LAG3: variants seen among roughly 807,000 people sequenced by gnomAD.
The protein encoded by LAG3 is lymphocyte activating 3.
A neutral mutation model predicts 49.0 loss-of-function variants in LAG3; 29 were observed. The ratio of observed to expected loss-of-function variants is 0.59; its 90% CI spans 0.44 to 0.81. LAG3 has a LOEUF of 0.81. Among genes scored for constraint, LAG3 ranks in the 30% least tolerant of loss-of-function variants. The probability of loss-of-function intolerance (pLI) is 0.00; values close to 1 mark genes in which losing one functional copy is unlikely to be tolerated. For synonymous variants in LAG3, 320 were observed against 297.3 expected (o/e 1.08, Z -0.79); for missense variants, 693 against 695.2 (o/e 1.00, Z 0.04).
chr12:6,774,000 G>A lies in LAG3; in HGVS notation c.510G>A (p.Ser170=), dbSNP rs775579233. 3.5e-6 allele frequency: 5 copies of A among 1,422,626 alleles called. No homozygotes were observed. In the South Asian group the frequency reaches 7.3e-5, roughly 21 times the overall value. The allele number at this position is 1,422,626 out of a possible 1,614,324, so 88.1% of individuals were successfully genotyped here. A position where few individuals can be genotyped will look rare whatever the true frequency, so the allele number is the denominator to read the frequency against. ...TCCGTCTGCGCCTGGGCCAGGCCTC[G>A]AGTATGTGGGGCGGGACGATGGGAG... ...CRLRLRLGQA[S]MTASPPGSLR... is the part of the protein sequence containing the mutation. Residue 170 remains serine, a splice_region_variant and synonymous_variant, in exon 3 of 8, where the codon TCG becomes TCA. Transcript: ENST00000203629. This position sits in a 1 kb window ranked among gnomAD's most constrained non-coding sequence, Gnocchi z 5.5.
In LAG3 at chr12:6,773,813, G is replaced by A. The variant is rs1007534973; in HGVS notation, c.323G>A (p.Gly108Asp). The A allele has an allele frequency of 7.1e-6, 10 of 1,401,482 alleles. No homozygotes were observed. The highest frequency in any genetic ancestry group is 1.5e-5 in the South Asian group (1 of 65,888). The allele number at this position is 1,401,482 out of a possible 1,614,324, so 86.8% of individuals were successfully genotyped here. Residue 108 changes from glycine to aspartate, a missense_variant, in exon 3 of 8, where the codon GGC becomes GAC. Coordinates refer to ENST00000203629, the MANE Select transcript of LAG3 (RefSeq NM_002286.6). This position sits in a 1 kb window ranked among gnomAD's most constrained non-coding sequence, Gnocchi z 5.5. Reference protein sequence around the residue: ...RYTVLSVGPGGLRSGRLPLQP... With the variant: ...RYTVLSVGPGDLRSGRLPLQP... ...ACGGTGCTGAGCGTGGGTCCCGGAGGCCTGCGCAGCGGGAGGCTGCCCCTG... is the reference window on the plus strand; with the variant it reads ...ACGGTGCTGAGCGTGGGTCCCGGAGACCTGCGCAGCGGGAGGCTGCCCCTG...
intron 5 of LAG3, 144 bp downstream of exon 5, chr12:6,775,692 C>A: frequency 1.4e-6 from 1 of 735,340 alleles, no homozygotes; most frequent in Non-Finnish European, 2.2e-6. Flanking sequence ...CATCTCGGCC[C>A]CCACTTTTCT....
intron 5 of LAG3, 34 bp from the exon 6 acceptor site, chr12:6,777,230 A>G (rs1941916414): frequency 6.2e-7 from 1 of 1,613,094 alleles, no homozygotes; most frequent in African/African-American, 1.3e-5. Flanking sequence ...GGGGGGCAGA[A>G]TCCCAAAAGA....
chr12:6,775,538 A>G lies in LAG3; in HGVS notation c.1047A>G (p.Ala349=). The G allele has an allele frequency of 6.2e-7, 1 of 1,614,208 alleles. No homozygotes were observed. Among genetic ancestry groups the G allele is most frequent in the Non-Finnish European group, 8.5e-7 (1 of 1,180,026 alleles). Residue 349 remains alanine (A), a synonymous_variant, in exon 5 of 8, where the codon GCA becomes GCG. Transcript: ENST00000203629. ...EQQLNATVTL[A]IITVTPKSFG... Reference sequence around the variant, plus strand: ...AGCTCAATGCCACTGTCACATTGGCAATCATCACAGGTCAGCCTCAGGTGG... The same window carrying G: ...AGCTCAATGCCACTGTCACATTGGCGATCATCACAGGTCAGCCTCAGGTGG...
At position 6,774,629 on chromosome 12, in the gene LAG3, C is replaced by T. The variant is rs144531502; in HGVS notation, c.546C>T (p.Ser182=). The change falls in exon 4 of 8, where the codon TCC becomes TCT. Residue 182 remains serine, a synonymous_variant. Coordinates refer to ENST00000203629, the MANE Select transcript of LAG3 (RefSeq NM_002286.6). Reference sequence around the variant, plus strand: ...GCCCCCCAGGATCTCTCAGAGCCTCCGACTGGGTCATTTTGAACTGCTCCT... The same window carrying T: ...GCCCCCCAGGATCTCTCAGAGCCTCTGACTGGGTCATTTTGAACTGCTCCT... ...TASPPGSLRA[S]DWVILNCSFS... is the part of the protein sequence containing the mutation. 37 of 1,614,118 alleles carry T rather than the reference C, an allele frequency of 2.3e-5. No homozygotes were observed. The highest frequency in any genetic ancestry group is 2.0e-4 in the African/African-American group (15 of 75,046).
rs1282610813 is a variant in LAG3 at position 6,775,154 on chromosome 12, T to C, written c.782-119T>C. ...TCAGCTCATCACCTTATTCTGCTCC[T>C]TAGCACTCTTATGAGCCAGACCATC... On this transcript the variant is annotated intron_variant, in intron 4 of 7. Transcript: ENST00000203629. 7 of 1,157,252 alleles carry C rather than the reference T, an allele frequency of 6.0e-6. No homozygotes were observed. In the African/African-American group the frequency reaches 6.2e-5, roughly 10 times the overall value. The allele number at this position is 1,157,252 out of a possible 1,614,324, so 71.7% of individuals were successfully genotyped here.
chr12:6,774,794 G>A lies in LAG3; in HGVS notation c.711G>A (p.Gly237=), dbSNP rs1179593769. ...CCCAAGTCAGCCCCATGGACTCTGG[G>A]CCCTGGGGCTGCATCCTCACCTACA... The part of the protein sequence containing the change: ...FLPQVSPMDS[G]PWGCILTYRD... Residue 237 remains glycine, a synonymous_variant, in exon 4 of 8, where the codon GGG becomes GGA. Coordinates refer to ENST00000203629, the MANE Select transcript of LAG3 (RefSeq NM_002286.6). 5 of 1,613,836 alleles carry A rather than the reference G, an allele frequency of 3.1e-6. No individual in the cohort carries two copies. Among genetic ancestry groups the A allele is most frequent in the Admixed American group, 3.3e-5 (2 of 59,990 alleles).
chr12:6,774,494 A>G, intron 3 of LAG3, 101 bp from the exon 4 acceptor site: 1 of 1,358,792 alleles, frequency 7.4e-7, no homozygotes, highest in East Asian at 2.3e-5. Context: ...AGACAAGTCT[A>G]AAGCCAGGTG....
chr12:6,775,241 A>C (rs780655826), intron 4 of LAG3, 32 bp from the exon 5 acceptor site: 2 of 1,598,198 alleles, frequency 1.3e-6, no homozygotes, highest in Admixed American at 3.4e-5. Context: ...TGCAGCACCC[A>C]GCTTTAACTT....
At chr12:6,775,644 T>C in intron 5 of LAG3, 96 bp downstream of exon 5, 2 of 1,244,388 alleles carry the variant, frequency 1.6e-6, no homozygotes, top group African/African-American at 1.5e-5. Context: ...ACCCACCCTG[T>C]GATGCCAGGC....
At chr12:6,776,829 G>T (rs1004292186) in intron 5 of LAG3, among the ~76,000 whole-genome samples, 4 of 152,222 alleles carry the variant, frequency 2.6e-5, no homozygotes, top group African/African-American at 7.2e-5. Context: ...TAATGTAAAA[G>T]AATCTGTAAT....
intron 5 of LAG3, among the ~76,000 whole-genome samples, chr12:6,776,118 C>T (rs1295416097): frequency 1.3e-5 from 2 of 152,232 alleles, no homozygotes; most frequent in South Asian, 2.1e-4. Context: ...TCAGTAGTAG[C>T]ACCCCACGGC....
chr12:6,774,605 C>A lies in LAG3; in HGVS notation c.522C>A (p.Ser174Arg), dbSNP rs554693777. ...LRLGQASMTA[S>R]PPGSLRASDW... ...TTTATCCTTGCACAGTGACTGCCAG[C>A]CCCCCAGGATCTCTCAGAGCCTCCG... is the stretch of plus-strand genomic sequence containing the variant. Residue 174 changes from serine (S) to arginine (R), a missense_variant, in exon 4 of 8, where the codon AGC becomes AGA. Coordinates refer to ENST00000203629, the MANE Select transcript of LAG3 (RefSeq NM_002286.6). 8.1e-6 allele frequency: 13 copies of A among 1,613,274 alleles called. No homozygotes were observed. The South Asian group carries it at 9.9e-5, about 12-fold the overall frequency.
intron 6 of LAG3, 91 bp from the exon 7 acceptor site, chr12:6,777,700 C>G (rs1941923945): frequency 6.5e-7 from 1 of 1,532,516 alleles, no homozygotes; most frequent in African/African-American, 1.4e-5. Context: ...CTTAAACTCT[C>G]TGGATCTCAT....
intron 3 of LAG3, 150 bp downstream of exon 3, chr12:6,774,151 TG>T: frequency 7.9e-7 from 1 of 1,264,494 alleles, no homozygotes; most frequent in South Asian, 2.1e-5. Context: ...GGCGGCCTGC[TG>T]GAGTGGAAGG....
In LAG3 at chr12:6,772,555, C is replaced by T. The variant is rs940726942; in HGVS notation, c.-298C>T. 3 of 347,088 alleles carry T rather than the reference C, an allele frequency of 8.6e-6. No individual in the cohort carries two copies. Among genetic ancestry groups the T allele is most frequent in the African/African-American group, 6.4e-5 (3 of 47,108 alleles). The allele number at this position is 347,088 out of a possible 1,614,324, so 21.5% of individuals were successfully genotyped here. ...AGAACGGCATCCCAGCCACGACGGC[C>T]ACTTTGCTCTGTCTGCTCTCCGCCA... On this transcript the variant is annotated 5_prime_UTR_variant, in exon 1 of 8. Transcript: ENST00000203629.
chr12:6,778,183 C>A, intron 7 of LAG3, 61 bp from the exon 8 acceptor site: 2 of 1,486,680 alleles, frequency 1.3e-6, no homozygotes, highest in Non-Finnish European at 1.8e-6. Context: ...CCTCCTCATC[C>A]GCTTCCCTTC....
At position 6,778,238 on chromosome 12, in the gene LAG3, T is replaced by C; in HGVS notation, c.1432-6T>C. ...CCTCCGTCTCTCTCTCCATCTCTTC[T>C]CACAGTGGCGACCAAGACGATTTTC... On this transcript the variant is annotated splice_polypyrimidine_tract_variant and splice_region_variant and intron_variant, in intron 7 of 7. Transcript: ENST00000203629. The C allele has an allele frequency of 6.3e-7, 1 of 1,575,530 alleles. No homozygotes were observed. The highest frequency in any genetic ancestry group is 8.6e-7 in the Non-Finnish European group (1 of 1,160,406).
chr12:6,775,532 A>G lies in LAG3; in HGVS notation c.1041A>G (p.Thr347=), dbSNP rs566141923. 3.7e-6 allele frequency: 6 copies of G among 1,614,204 alleles called. No homozygotes were observed. In the South Asian group the frequency reaches 5.5e-5, roughly 15 times the overall value. ...AACAGCAGCTCAATGCCACTGTCACATTGGCAATCATCACAGGTCAGCCTC... is the reference window on the plus strand; with the variant it reads ...AACAGCAGCTCAATGCCACTGTCACGTTGGCAATCATCACAGGTCAGCCTC... ...LQEQQLNATV[T]LAIITVTPKS... Residue 347 remains threonine (T), a synonymous_variant, in exon 5 of 8, where the codon ACA becomes ACG. Coordinates refer to ENST00000203629, the MANE Select transcript of LAG3 (RefSeq NM_002286.6).
Sources: allele counts gnomAD v4.1 joint callset (sites outside exome capture counted in the v4.1 genomes callset), GRCh38; gene constraint gnomAD v4.1.1; non-coding constraint Gnocchi (gnomAD v3.1); transcripts MANE v1.5; gene names NCBI Gene and HGNC (gene_info 2026-07-23, HGNC 2026-07-21).